REEP3: variants seen among roughly 807,000 people sequenced by gnomAD.
REEP3 encodes receptor expression-enhancing protein 3.
In REEP3, 20 loss-of-function variants were observed where a neutral mutation model predicts 41.3. The observed-to-expected ratio is 0.48, with a 90% CI of 0.34 to 0.70. The LOEUF is 0.70. Ranked by LOEUF, REEP3 falls within the 30% of genes least tolerant of loss-of-function variation. The probability of loss-of-function intolerance (pLI) is 0.01; values close to 1 mark genes in which losing one functional copy is unlikely to be tolerated. For missense variants in REEP3, 271 were observed against 308.8 expected (o/e 0.88, Z 0.92); for synonymous variants, 104 against 101.8 (o/e 1.02, Z -0.13).
intron 1 of REEP3, among the ~76,000 whole-genome samples, chr10:63,536,125 A>G (rs12240678): frequency 0.14 from 21,820 of 152,226 alleles, 3,686 homozygotes; most frequent in African/African-American, 0.41. Context: ...CCAATGAGAA[A>G]CCTCAGGCTT....
intron 2 of REEP3, among the ~76,000 whole-genome samples, chr10:63,584,928 T>A (rs2133393116): frequency 6.6e-6 from 1 of 152,346 alleles, no homozygotes; most frequent in Middle Eastern, 3.4e-3. Flanking sequence ...CATGTTATGC[T>A]CTGGATTTAC....
chr10:63,614,179 CA>C (rs1316122133), intron 6 of REEP3, among the ~76,000 whole-genome samples: 2 of 151,812 alleles, frequency 1.3e-5, no homozygotes, highest in African/African-American at 4.8e-5. Flanking sequence ...CTCAGATAAT[CA>C]AAAAATAGTA....
At chr10:63,560,902 C>G (rs964482678) in intron 1 of REEP3, among the ~76,000 whole-genome samples, 1 of 152,122 alleles carries the variant, frequency 6.6e-6, no homozygotes, top group Non-Finnish European at 1.5e-5. Flanking sequence ...GAAAATATTA[C>G]AGTTATTAAT....
intron 1 of REEP3, among the ~76,000 whole-genome samples, chr10:63,544,439 T>A (rs1040914468): frequency 2.6e-5 from 4 of 152,136 alleles, no homozygotes; most frequent in African/African-American, 9.7e-5. Context: ...TGGGAACAGA[T>A]ATGAAAGAGA....
intron 6 of REEP3, 67 bp from the exon 7 acceptor site, chr10:63,619,588 G>C (rs762854901): frequency 2.5e-4 from 351 of 1,403,630 alleles, no homozygotes; most frequent in Non-Finnish European, 3.3e-4. Flanking sequence ...GTACACAGAT[G>C]GGTCAAAGAG....
At chr10:63,605,823 G>T (rs1280403791) in intron 5 of REEP3, among the ~76,000 whole-genome samples, 1 of 152,026 alleles carries the variant, frequency 6.6e-6, no homozygotes, top group Non-Finnish European at 1.5e-5. Flanking sequence ...AGCCAGTGTG[G>T]GGAGCTGCTT....
intron 1 of REEP3, among the ~76,000 whole-genome samples, chr10:63,561,280 C>G (rs1468188629): frequency 6.6e-6 from 1 of 152,020 alleles, no homozygotes; most frequent in African/African-American, 2.4e-5. Context: ...AATGACTAGT[C>G]CTGACAAATT....
At position 63,620,904 on chromosome 10, in the gene REEP3, G is replaced by T; in HGVS notation, c.*35G>T. The T allele has an allele frequency of 7.5e-7, 1 of 1,336,392 alleles. No individual in the cohort carries two copies. Among genetic ancestry groups the T allele is most frequent in the Non-Finnish European group, 1.1e-6 (1 of 942,546 alleles). The allele number at this position is 1,336,392 out of a possible 1,614,324, so 82.8% of individuals were successfully genotyped here. A position where few individuals can be genotyped will look rare whatever the true frequency, so the allele number is the denominator to read the frequency against. ...CGTCAAATATCCCAAGACAGATTATGCTAAATACATCGACTTCATCTTCTA... is the reference window on the plus strand; with the variant it reads ...CGTCAAATATCCCAAGACAGATTATTCTAAATACATCGACTTCATCTTCTA... On this transcript the variant is annotated 3_prime_UTR_variant, in exon 8 of 8. Coordinates refer to ENST00000373758, the MANE Select transcript of REEP3 (RefSeq NM_001001330.3).
chr10:63,542,296 G>C lies in REEP3; in HGVS notation c.32+20719G>C, dbSNP rs183203994. Among the ~76,000 whole-genome samples, 23 of 151,970 alleles carry C rather than the reference G, an allele frequency of 1.5e-4. No homozygotes were observed. The East Asian group carries it at 4.5e-3, about 29-fold the overall frequency. The stretch of plus-strand genomic sequence containing the variant: ...GTTCCCATGCTGGCCAGTTGGTCTC[G>C]AACTCCTGACCTCAGGTGATCCACC... On this transcript the variant is annotated intron_variant, in intron 1 of 7. Transcript: ENST00000373758.
At chr10:63,599,512 C>T (rs189564713) in intron 5 of REEP3, among the ~76,000 whole-genome samples, 10 of 152,212 alleles carry the variant, frequency 6.6e-5, no homozygotes, top group African/African-American at 2.4e-4. Flanking sequence ...TAATACATAC[C>T]TGAAAATGTC....
chr10:63,622,616 C>T lies in REEP3; in HGVS notation c.*1747C>T, dbSNP rs1443240888. Reference sequence around the variant, plus strand: ...AACTGTTACACTGTCCTTGTCTTTCCTACTCAAAGACAGTATCATCTGAAG... The same window carrying T: ...AACTGTTACACTGTCCTTGTCTTTCTTACTCAAAGACAGTATCATCTGAAG... On this transcript the variant is annotated 3_prime_UTR_variant, in exon 8 of 8. Transcript: ENST00000373758. 6.6e-6 allele frequency: 1 copy of T among 151,816 alleles called. No individual in the cohort carries two copies. The highest frequency in any genetic ancestry group is 1.5e-5 in the Non-Finnish European group (1 of 68,004). The allele number at this position is 151,816 out of a possible 1,614,324, so 9.4% of individuals were successfully genotyped here.
intron 2 of REEP3, among the ~76,000 whole-genome samples, chr10:63,573,559 G>T (rs1955872163): frequency 6.6e-6 from 1 of 152,170 alleles, no homozygotes; most frequent in Non-Finnish European, 1.5e-5. Flanking sequence ...ACAAAGAACA[G>T]GAAAAGCTGG....
rs144561399 is a variant in REEP3 at position 63,566,963 on chromosome 10, T to C, written c.105+553T>C. Among the ~76,000 whole-genome samples the C allele has an allele frequency of 6.3e-3, 954 of 152,308 alleles. 3 individuals carry two copies. Among genetic ancestry groups the C allele is most frequent in the Admixed American group, 0.011 (171 of 15,300 alleles). On this transcript the variant is annotated intron_variant, in intron 2 of 7. Transcript: ENST00000373758. ...TCCTCTTCCCTATTCCCTAATTTTC[T>C]TTTTCTGTCACTAACATTTATTTTT... is the stretch of plus-strand genomic sequence containing the variant.
chr10:63,610,319 C>T lies in REEP3; in HGVS notation c.550C>T (p.Pro184Ser). Residue 184 changes from proline to serine, a missense_variant, in exon 6 of 8, where the codon CCC (proline) becomes TCC (serine). Pro to Ser is a moderately conservative substitution (Grantham distance 74). Coordinates refer to ENST00000373758, the MANE Select transcript of REEP3 (RefSeq NM_001001330.3). The part of the protein sequence containing the change: ...PEAKKKSKPA[P>S]SESAGYGIPL... ...AGCAAAAAAGAAAAGTAAACCAGCC[C>T]CCAGTGAATCAGCAGGTGTGCTTGT... The T allele has an allele frequency of 6.4e-7, 1 of 1,555,342 alleles. No individual in the cohort carries two copies. Among genetic ancestry groups the T allele is most frequent in the African/African-American group, 1.4e-5 (1 of 73,296 alleles).
At chr10:63,529,867 C>G (rs1955404136) in intron 1 of REEP3, among the ~76,000 whole-genome samples, 1 of 152,120 alleles carries the variant, frequency 6.6e-6, no homozygotes, top group Non-Finnish European at 1.5e-5. Context: ...CAACCTCCAC[C>G]TCCTGGGTTC....
At chr10:63,521,951 G>T (rs1955268920) in intron 1 of REEP3, 1 of 151,180 alleles carries the variant, frequency 6.6e-6, no homozygotes, top group Non-Finnish European at 1.5e-5. Flanking sequence ...CGCCCTGCGG[G>T]CCCGGGAGCG....
At chr10:63,546,637 A>G (rs979716006) in intron 1 of REEP3, among the ~76,000 whole-genome samples, 29 of 152,186 alleles carry the variant, frequency 1.9e-4, no homozygotes, top group African/African-American at 5.3e-4. Context: ...AGTAATTACA[A>G]CAACATGGTA....
At chr10:63,606,094 C>T in intron 5 of REEP3, 3 of 951,876 alleles carry the variant, frequency 3.2e-6, no homozygotes, top group Non-Finnish European at 3.8e-6. Context: ...ATCTCTGTTA[C>T]TTTGATTGTT....
chr10:63,569,270 A>G (rs887575525), intron 2 of REEP3, among the ~76,000 whole-genome samples: 4 of 152,188 alleles, frequency 2.6e-5, no homozygotes, highest in African/African-American at 7.2e-5. Flanking sequence ...TGTTTTTTAT[A>G]TTGTTATTAA....
Sources: allele counts gnomAD v4.1 joint callset (sites outside exome capture counted in the v4.1 genomes callset), GRCh38; gene constraint gnomAD v4.1.1; transcripts MANE v1.5; gene names NCBI Gene and HGNC (gene_info 2026-07-23, HGNC 2026-07-21).